Variants in DNAH6 observed in about 807,000 individuals in gnomAD.
DNAH6 encodes the protein dynein axonemal heavy chain 6, also known as axonemal beta dynein heavy chain 6.
In DNAH6, 340 loss-of-function variants were observed where a neutral mutation model predicts 491.4. That is an observed-to-expected ratio of 0.69 (90% CI 0.63 to 0.76). The LOEUF (loss-of-function observed/expected upper bound fraction) is 0.76, where lower values mean the gene tolerates loss of function less well. DNAH6 is among the 30% of genes least tolerant of loss of function. The pLI, the probability that DNAH6 is intolerant of heterozygous loss-of-function variation, is 0.00. For missense variants in DNAH6, 4,443 were observed against 4,972.2 expected (o/e 0.89, Z 3.20); for synonymous variants, 1,603 against 1,686.1 (o/e 0.95, Z 1.21).
intron 47 of DNAH6, among the ~76,000 whole-genome samples, chr2:84,698,216 C>A (rs1316999116): frequency 1.3e-5 from 2 of 152,202 alleles, no homozygotes; most frequent in East Asian, 1.9e-4. Flanking sequence ...TTCACCCCAG[C>A]TTTTTTCCTT....
At chr2:84,676,883 C>T (rs1438427404) in intron 40 of DNAH6, 122 bp from the exon 41 acceptor site, 3 of 1,089,486 alleles carry the variant, frequency 2.8e-6, no homozygotes, top group East Asian at 2.6e-5. Flanking sequence ...AGAATTAAGT[C>T]ATTTAACATG....
chr2:84,690,429 C>T lies in DNAH6; in HGVS notation c.7292+1836C>T, dbSNP rs1287735537. On this transcript the variant is annotated intron_variant, in intron 45 of 76. Transcript: ENST00000389394. ...ATACCCACATGCTATCCCCTAACAA[C>T]TTTTATTCCCATCGCTCAGGCAGGC... Among the ~76,000 whole-genome samples the T allele has an allele frequency of 2.6e-5, 4 of 152,192 alleles. 1 individual carries two copies. The highest frequency in any genetic ancestry group is 5.9e-5 in the Non-Finnish European group (4 of 68,028).
intron 11 of DNAH6, among the ~76,000 whole-genome samples, chr2:84,568,424 A>G (rs539962350): frequency 1.1e-4 from 16 of 152,340 alleles, no homozygotes; most frequent in African/African-American, 3.8e-4. Flanking sequence ...TTGCAGTGAC[A>G]TGATGGAGCT....
At chr2:84,563,545 T>G (rs1680877616) in intron 11 of DNAH6, among the ~76,000 whole-genome samples, 1 of 152,122 alleles carries the variant, frequency 6.6e-6, no homozygotes, top group Non-Finnish European at 1.5e-5. Flanking sequence ...TGCCATTTTT[T>G]GATGAGGTTG....
At chr2:84,726,009 C>A (rs1352243465) in intron 60 of DNAH6, among the ~76,000 whole-genome samples, 1 of 152,160 alleles carries the variant, frequency 6.6e-6, no homozygotes, top group Non-Finnish European at 1.5e-5. Flanking sequence ...TTGTAGGCTT[C>A]CTCTAAGCCC....
intron 3 of DNAH6, 48 bp downstream of exon 3, chr2:84,525,786 T>C (rs567884756): frequency 1.5e-6 from 2 of 1,332,178 alleles, no homozygotes; most frequent in Non-Finnish European, 2.1e-6. Flanking sequence ...AATTTTGTTT[T>C]GTATAGCATT....
intron 11 of DNAH6, among the ~76,000 whole-genome samples, chr2:84,568,145 C>G (rs889987790): frequency 6.6e-5 from 10 of 152,076 alleles, no homozygotes; most frequent in African/African-American, 2.4e-4. Context: ...TTAGTTCAAC[C>G]ATTGTGGAAG....
At chr2:84,816,472 C>T (rs941424731) in intron 76 of DNAH6, among the ~76,000 whole-genome samples, 1 of 152,068 alleles carries the variant, frequency 6.6e-6, no homozygotes, top group East Asian at 1.9e-4. Flanking sequence ...CCCTTTAATC[C>T]CAGCACTTTG....
the DNAH6 span, among the ~76,000 whole-genome samples, chr2:84,471,238 C>G: frequency 6.6e-6 from 1 of 152,146 alleles, no homozygotes; most frequent in Admixed American, 6.5e-5. Flanking sequence ...TACTAGCTAT[C>G]ATTATTACTA....
the DNAH6 span, among the ~76,000 whole-genome samples, chr2:84,508,313 G>T: frequency 1.3e-5 from 2 of 152,182 alleles, no homozygotes; most frequent in African/African-American, 4.8e-5. Context: ...TATGTGTCGA[G>T]GAATTTATCC....
At chr2:84,777,737 C>T (rs1296684103) in intron 64 of DNAH6, 26 of 852,002 alleles carry the variant, frequency 3.1e-5, no homozygotes, top group East Asian at 7.2e-5. Context: ...CATCAGGTAA[C>T]GGAATCGGGC....
intron 60 of DNAH6, among the ~76,000 whole-genome samples, chr2:84,726,779 TAAAAA>T (rs10539864): frequency 0.15 from 21,985 of 150,836 alleles, 1,801 homozygotes; most frequent in African/African-American, 0.23. Flanking sequence ...ATAATAATAA[TAAAAA>T]AAATAAAATA....
intron 26 of DNAH6, among the ~76,000 whole-genome samples, chr2:84,622,242 T>C (rs1176326970): frequency 6.6e-6 from 1 of 152,198 alleles, no homozygotes; most frequent in East Asian, 1.9e-4. Context: ...TCCTCCAGGT[T>C]TATTCATGCT....
chr2:84,512,245 C>A (rs1281482170), upstream of DNAH6, among the ~76,000 whole-genome samples: 1 of 152,120 alleles, frequency 6.6e-6, no homozygotes, highest in Non-Finnish European at 1.5e-5. Context: ...AGAGTTATTT[C>A]TTACAGTTCT....
intron 63 of DNAH6, among the ~76,000 whole-genome samples, chr2:84,760,919 G>T (rs575762877): frequency 6.6e-6 from 1 of 151,968 alleles, no homozygotes; most frequent in African/African-American, 2.4e-5. Context: ...CAGAGATTTC[G>T]CAAAGAAGTA....
intron 3 of DNAH6, among the ~76,000 whole-genome samples, chr2:84,526,427 A>G (rs6737879): frequency 0.067 from 10,243 of 152,102 alleles, 1,127 homozygotes; most frequent in African/African-American, 0.23. Context: ...AGGATTTCAG[A>G]GTCTGGAGGT....
upstream of DNAH6, among the ~76,000 whole-genome samples, chr2:84,512,705 T>C (rs922998067): frequency 2.0e-5 from 3 of 152,242 alleles, no homozygotes; most frequent in Non-Finnish European, 4.4e-5. Context: ...TATGTTTTAA[T>C]TGTTCTAGCT....
chr2:84,567,955 T>C (rs927859865), intron 11 of DNAH6, among the ~76,000 whole-genome samples: 5 of 152,024 alleles, frequency 3.3e-5, no homozygotes, highest in African/African-American at 1.2e-4. Context: ...GTATATTATA[T>C]AATACATTAT....
chr2:84,736,916 G>C (rs556707420), intron 62 of DNAH6, among the ~76,000 whole-genome samples: 2 of 151,984 alleles, frequency 1.3e-5, no homozygotes, highest in South Asian at 2.1e-4. Flanking sequence ...AGTTCTTATG[G>C]GGGAATGCTT....
Sources: gnomAD v4.1 joint callset for allele counts (sites outside exome capture counted in the v4.1 genomes callset) on GRCh38, gnomAD v4.1.1 for gene constraint, MANE v1.5 for transcripts, NCBI Gene and HGNC (gene_info 2026-07-23, HGNC 2026-07-21) for gene names.